Variants in GNG12 observed in about 807,000 individuals in gnomAD.
GNG12 encodes guanine nucleotide-binding protein G(I)/G(S)/G(O) subunit gamma-12.
For missense variants in GNG12, 69 were observed against 83.8 expected (o/e 0.82, Z 0.69); for synonymous variants, 28 against 29.7 (o/e 0.94, Z 0.19).
chr1:67,787,035 A>ATG (rs1553158942), intron 1 of GNG12, among the ~76,000 whole-genome samples: 77 of 36,040 alleles, frequency 2.1e-3, no homozygotes, highest in Admixed American at 3.6e-3. Flanking sequence ...GTATGTGTAT[A>ATG]AGTGTGTGTG....
At chr1:67,758,041 G>A (rs181952185) in intron 2 of GNG12, among the ~76,000 whole-genome samples, 2 of 152,164 alleles carry the variant, frequency 1.3e-5, no homozygotes, top group African/African-American at 4.8e-5. Context: ...GCACGGTCTC[G>A]GCTCACTGCA....
chr1:67,728,129 G>A lies in GNG12; in HGVS notation c.-26-20417C>T, dbSNP rs1402071218. 2.0e-5 allele frequency among the ~76,000 whole-genome samples: 3 copies of A among 152,224 alleles called. No homozygotes were observed. The East Asian group carries it at 5.8e-4, about 29-fold the overall frequency. On this transcript the variant is annotated intron_variant, in intron 2 of 3. Coordinates refer to ENST00000370982, the MANE Select transcript of GNG12 (RefSeq NM_018841.6). ...AAAGACAGAAATCACAAAGCCACCA[G>A]AAGATGGATCCCTAACAGGGCTGCC...
intron 1 of GNG12, among the ~76,000 whole-genome samples, chr1:67,787,036 A>AGTGT (rs56084524): frequency 0.41 from 54,058 of 131,114 alleles, 11,559 homozygotes; most frequent in South Asian, 0.53. Flanking sequence ...TATGTGTATA[A>AGTGT]GTGTGTGTGT....
chr1:67,819,805 T>C (rs1013939822), intron 1 of GNG12, among the ~76,000 whole-genome samples: 1 of 152,228 alleles, frequency 6.6e-6, no homozygotes, highest in African/African-American at 2.4e-5. Flanking sequence ...TCAGTGCCTT[T>C]GCACTGGCTG....
chr1:67,756,937 G>A (rs1646573199), intron 2 of GNG12, among the ~76,000 whole-genome samples: 1 of 152,214 alleles, frequency 6.6e-6, no homozygotes, highest in African/African-American at 2.4e-5. Flanking sequence ...GCCTGACAGG[G>A]CCTGGACCAT....
At chr1:67,759,586 T>C (rs1646590606) in intron 2 of GNG12, among the ~76,000 whole-genome samples, 1 of 152,056 alleles carries the variant, frequency 6.6e-6, no homozygotes, top group African/African-American at 2.4e-5. Context: ...CCTCAAAGAG[T>C]TGCTGTGAGA....
Position 67,741,030 on chromosome 1 carries a change from C to T in GNG12, c.-26-33318G>A, listed in dbSNP as rs544400936. 4.6e-5 allele frequency among the ~76,000 whole-genome samples: 7 copies of T among 152,116 alleles called. No homozygotes were observed. The East Asian group carries it at 7.7e-4, about 17-fold the overall frequency. ...CCAAACTAAAGAATAAAACTATTCC[C>T]CAAAACTATTCTTCCCATTTGTTTC... On this transcript the variant is annotated intron_variant, in intron 2 of 3. Coordinates refer to ENST00000370982, the MANE Select transcript of GNG12 (RefSeq NM_018841.6).
At chr1:67,823,672 T>C (rs541496453) in intron 1 of GNG12, among the ~76,000 whole-genome samples, 41 of 152,336 alleles carry the variant, frequency 2.7e-4, no homozygotes, top group African/African-American at 9.6e-4. Context: ...GCTGACACTT[T>C]TATGGCCATT....
At chr1:67,810,790 G>A (rs1646920223) in intron 1 of GNG12, among the ~76,000 whole-genome samples, 1 of 152,136 alleles carries the variant, frequency 6.6e-6, no homozygotes, top group Non-Finnish European at 1.5e-5. Flanking sequence ...TCTAACTCCA[G>A]TTCTGTGATG....
intron 1 of GNG12, among the ~76,000 whole-genome samples, chr1:67,784,020 T>C (rs912092684): frequency 6.6e-5 from 10 of 151,684 alleles, no homozygotes; most frequent in African/African-American, 2.2e-4. Context: ...TGTGCATGTA[T>C]GTTTACTGCG....
intron 1 of GNG12, among the ~76,000 whole-genome samples, chr1:67,805,533 G>A (rs1243810879): frequency 6.6e-6 from 1 of 152,120 alleles, no homozygotes; most frequent in Non-Finnish European, 1.5e-5. Context: ...CCTTTGATAA[G>A]TTCATTAGTA....
chr1:67,804,335 T>C (rs1378182635), intron 1 of GNG12, among the ~76,000 whole-genome samples: 3 of 152,196 alleles, frequency 2.0e-5, no homozygotes, highest in Non-Finnish European at 4.4e-5. Flanking sequence ...TTTCTAGTTA[T>C]GAAGACAACT....
chr1:67,758,300 A>G (rs17130241), intron 2 of GNG12, among the ~76,000 whole-genome samples: 1 of 152,186 alleles, frequency 6.6e-6, no homozygotes, highest in Non-Finnish European at 1.5e-5. Flanking sequence ...TATTGCAGCA[A>G]CACATTAGAA....
At chr1:67,807,984 C>A (rs1015237640) in intron 1 of GNG12, among the ~76,000 whole-genome samples, 1 of 151,956 alleles carries the variant, frequency 6.6e-6, no homozygotes, top group Non-Finnish European at 1.5e-5. Context: ...TACCCTAAGA[C>A]CAAAAGCAGA....
At chr1:67,707,957 G>T (rs761792170) in intron 2 of GNG12, among the ~76,000 whole-genome samples, 11 of 152,276 alleles carry the variant, frequency 7.2e-5, no homozygotes, top group Admixed American at 1.3e-4. Flanking sequence ...TTTAATCGAT[G>T]CACCCCAACA....
At chr1:67,786,994 T>C (rs1646772999) in intron 1 of GNG12, among the ~76,000 whole-genome samples, 1 of 147,510 alleles carries the variant, frequency 6.8e-6, no homozygotes. Context: ...TGTATGTATA[T>C]ATATGTGTAT....
intron 1 of GNG12, among the ~76,000 whole-genome samples, chr1:67,812,936 G>T (rs1570569357): frequency 6.6e-6 from 1 of 152,180 alleles, no homozygotes; most frequent in East Asian, 1.9e-4. Flanking sequence ...TGGGCAGCTG[G>T]AATCAGGAAT....
chr1:67,740,685 G>A (rs1646477993), intron 2 of GNG12, among the ~76,000 whole-genome samples: 1 of 152,226 alleles, frequency 6.6e-6, no homozygotes, highest in South Asian at 2.1e-4. Context: ...AGTATTAGGA[G>A]GTGGTGATTA....
chr1:67,817,493 T>C (rs1646959462), intron 1 of GNG12, among the ~76,000 whole-genome samples: 1 of 152,178 alleles, frequency 6.6e-6, no homozygotes, highest in South Asian at 2.1e-4. Flanking sequence ...ATCATAATCT[T>C]TCCACACACT....
Sources: gnomAD v4.1 joint callset for allele counts (sites outside exome capture counted in the v4.1 genomes callset) on GRCh38, gnomAD v4.1.1 for gene constraint, MANE v1.5 for transcripts, NCBI Gene and HGNC (gene_info 2026-07-23, HGNC 2026-07-21) for gene names.